The following SIK2 variants were observed in gnomAD, a reference collection of about 807,000 sequenced individuals.
SIK2 encodes the protein serine/threonine-protein kinase SIK2.
SIK2 carries 29 observed loss-of-function variants against 103.2 expected under a neutral mutation model. That is an observed-to-expected ratio of 0.28 (90% CI 0.21 to 0.38). The LOEUF is 0.38. Ranked by LOEUF, SIK2 falls within the 10% of genes least tolerant of loss-of-function variation. SIK2 has a pLI of 1.00. For synonymous variants in SIK2, 412 were observed against 446.1 expected (o/e 0.92, Z 0.96); for missense variants, 879 against 1,171.0 (o/e 0.75, Z 3.64).
At chr11:111,651,205 C>T (rs1431750653) in intron 3 of SIK2, among the ~76,000 whole-genome samples, 2 of 152,058 alleles carry the variant, frequency 1.3e-5, no homozygotes, top group African/African-American at 4.8e-5. Flanking sequence ...ATTAGGTAGA[C>T]TCTGAGTTTG....
chr11:111,712,175 A>AT (rs759085099), intron 8 of SIK2, 36 bp from the exon 9 acceptor site: 6 of 1,594,168 alleles, frequency 3.8e-6, no homozygotes, highest in Non-Finnish European at 5.1e-6. Flanking sequence ...GAAGGTATTC[A>AT]TGTTCCCAAA....
chr11:111,687,821 G>A (rs577931465), intron 3 of SIK2, among the ~76,000 whole-genome samples, 180 bp from the exon 4 acceptor site: 1 of 152,056 alleles, frequency 6.6e-6, no homozygotes, highest in South Asian at 2.1e-4. Flanking sequence ...TAGCCAGGAT[G>A]GTCTCGATCT....
At chr11:111,633,383 T>C (rs746727589) in intron 3 of SIK2, among the ~76,000 whole-genome samples, 2 of 152,206 alleles carry the variant, frequency 1.3e-5, no homozygotes, top group Non-Finnish European at 2.9e-5. Context: ...TTGAGGACTT[T>C]AGCACAATAC....
rs1186189299 is a variant in SIK2 at position 111,726,957 on chromosome 11, CTG to C, written c.*2829_*2830del. 5 of 1,612,016 alleles carry C rather than the reference CTG, an allele frequency of 3.1e-6. No individual in the cohort carries two copies. In the South Asian group the frequency reaches 5.5e-5, roughly 18 times the overall value. ...TATTTTTTATGTTCTTTTTTTAAAT[CTG>C]GGGTATTAGTCTGTGCTTTGGGAGA... On this transcript the variant is annotated 3_prime_UTR_variant, in exon 15 of 15. Transcript: ENST00000304987.
chr11:111,604,835 G>GT (rs1941627504), intron 1 of SIK2, among the ~76,000 whole-genome samples: 1 of 152,170 alleles, frequency 6.6e-6, no homozygotes, highest in Non-Finnish European at 1.5e-5. Flanking sequence ...ATGGGTGAGG[G>GT]TATCTGTGGT....
At chr11:111,672,075 G>C in intron 3 of SIK2, 1 of 497,294 alleles carries the variant, frequency 2.0e-6, no homozygotes, top group Non-Finnish European at 3.9e-6. Flanking sequence ...TGATGAAGGA[G>C]GCAAACTTCT....
chr11:111,626,397 A>G (rs1169286913), intron 3 of SIK2, among the ~76,000 whole-genome samples: 2 of 149,300 alleles, frequency 1.3e-5, no homozygotes, highest in Non-Finnish European at 3.0e-5. Flanking sequence ...TTACAAAACT[A>G]TTTCTCTCTT....
chr11:111,705,195 A>T lies in SIK2; in HGVS notation c.1101+56A>T, dbSNP rs1943315082. 2 of 1,457,176 alleles carry T rather than the reference A, an allele frequency of 1.4e-6. No individual in the cohort carries two copies. The highest frequency in any genetic ancestry group is 1.8e-6 in the Non-Finnish European group (2 of 1,108,680). 90.3% of individuals were successfully genotyped at this position (1,457,176 alleles called of 1,614,324 possible). On this transcript the variant is annotated intron_variant, in intron 8 of 14. Transcript: ENST00000304987. This position sits in a 1 kb window ranked among gnomAD's most constrained non-coding sequence, Gnocchi z 4.3. ...GTGCATGTGCCTGTTCACATGTTTG[A>T]TACATTTTTCATCTTATACACAGGG...
chr11:111,700,891 G>A lies in SIK2; in HGVS notation c.484G>A (p.Gly162Ser), dbSNP rs1328996537. 1.2e-6 allele frequency: 2 copies of A among 1,613,716 alleles called. No homozygotes were observed. Among genetic ancestry groups the A allele is most frequent in the Non-Finnish European group, 1.7e-6 (2 of 1,179,850 alleles). ...ATTTATTTCCATCCTAATAGATTTC[G>A]GTTTTGGAAATTTCTTTAAAAGTGG... ...NNMNIKIADF[G>S]FGNFFKSGEL... is the part of the protein sequence containing the mutation. Residue 162 changes from glycine (G) to serine (S), a missense_variant, in exon 5 of 15, where the codon GGT becomes AGT. This residue lies in a region of SIK2 where 126 missense variants were observed against 245.5 expected (regional missense o/e 0.51). Transcript: ENST00000304987.
rs1339590495 is a variant in SIK2 at position 111,721,922 on chromosome 11, C to T, written c.2037C>T (p.Tyr679=). 4 of 1,607,866 alleles carry T rather than the reference C, an allele frequency of 2.5e-6. No individual in the cohort carries two copies. The highest frequency in any genetic ancestry group is 3.4e-6 in the Non-Finnish European group (4 of 1,176,920). ...CACGGCAGAGCCTGGAGACCCAGTA[C>T]CTGCAGCACAGACTCCAGGTGGGTC... ...LSPRQSLETQ[Y]LQHRLQKPSL... Residue 679 remains tyrosine, a synonymous_variant, in exon 13 of 15, where the codon TAC becomes TAT. Transcript: ENST00000304987.
intron 3 of SIK2, among the ~76,000 whole-genome samples, chr11:111,685,217 ATTAG>A (rs937069860): frequency 1.3e-5 from 2 of 152,240 alleles, no homozygotes; most frequent in Non-Finnish European, 2.9e-5. Context: ...ATCATCAGGC[ATTAG>A]TTAGATTCTC....
chr11:111,674,140 A>G (rs1042691024), intron 3 of SIK2, among the ~76,000 whole-genome samples: 1 of 152,118 alleles, frequency 6.6e-6, no homozygotes, highest in East Asian at 1.9e-4. Context: ...AAACAGGCCT[A>G]CAAAGACTAA....
At chr11:111,614,723 T>G (rs925259252) in intron 1 of SIK2, among the ~76,000 whole-genome samples, 26 of 152,170 alleles carry the variant, frequency 1.7e-4, no homozygotes, top group Non-Finnish European at 2.4e-4. Context: ...TTGTTCAGGG[T>G]TAACTGTAAT....
chr11:111,672,030 T>G, intron 3 of SIK2: 1 of 518,200 alleles, frequency 1.9e-6, no homozygotes, highest in Non-Finnish European at 3.8e-6. Context: ...TGGTCTCAAG[T>G]GCCTTGTTCT....
rs968566103 is a variant in SIK2 at position 111,724,246 on chromosome 11, G to C, written c.*117G>C. On this transcript the variant is annotated 3_prime_UTR_variant, in exon 15 of 15. Transcript: ENST00000304987. Reference sequence around the variant, plus strand: ...GCCCTCTCCCTAACGGGGAGAAATCGAGCCACCCAACTGGAATCAGAGGGT... The same window carrying C: ...GCCCTCTCCCTAACGGGGAGAAATCCAGCCACCCAACTGGAATCAGAGGGT... The C allele has an allele frequency of 2.9e-6, 4 of 1,381,694 alleles. No individual in the cohort carries two copies. The highest frequency in any genetic ancestry group is 3.8e-6 in the Non-Finnish European group (4 of 1,041,698). 85.6% of individuals were successfully genotyped at this position (1,381,694 alleles called of 1,614,324 possible).
In SIK2 at chr11:111,716,097, C is replaced by A. The variant is rs562675503; in HGVS notation, c.1267-3678C>A. Among the ~76,000 whole-genome samples, 221 of 152,212 alleles carry A rather than the reference C, an allele frequency of 1.5e-3. 1 individual carries two copies. Among genetic ancestry groups the A allele is most frequent in the Non-Finnish European group, 2.5e-3 (171 of 68,000 alleles). ...GATTACAGGCATGAGCCACCATGCC[C>A]AGCCCATTTTTAGCATTTTTATTTG... On this transcript the variant is annotated intron_variant, in intron 9 of 14. Transcript: ENST00000304987.
chr11:111,720,914 GACA>G lies in SIK2; in HGVS notation c.1800_1802del (p.Gln600del), dbSNP rs1296927384. On this transcript the variant is annotated inframe_deletion, in exon 12 of 15. Transcript: ENST00000304987. ...TTTCTTTCAGGAATTGTAGCATTTAGACAACATCTTCAGAATCTGGCTAGAACC... is the reference window on the plus strand; with the variant it reads ...TTTCTTTCAGGAATTGTAGCATTTAGACATCTTCAGAATCTGGCTAGAACC... 6.2e-7 allele frequency: 1 copy of G among 1,613,784 alleles called. No individual in the cohort carries two copies. The highest frequency in any genetic ancestry group is 8.5e-7 in the Non-Finnish European group (1 of 1,179,922).
In SIK2 at chr11:111,694,981, A is replaced by C. The variant is rs139504802; in HGVS notation, c.479-5905A>C. Among the ~76,000 whole-genome samples the C allele has an allele frequency of 1.9e-3, 295 of 152,290 alleles. 4 individuals carry two copies. The South Asian group carries it at 0.025, about 13-fold the overall frequency. On this transcript the variant is annotated intron_variant, in intron 4 of 14. Coordinates refer to ENST00000304987, the MANE Select transcript of SIK2 (RefSeq NM_015191.3). Reference sequence around the variant, plus strand: ...TTCCCTCCTGTCAGATGGGAGAGTGACTGATGTTTGGAAATGAACTGTGCA... The same window carrying C: ...TTCCCTCCTGTCAGATGGGAGAGTGCCTGATGTTTGGAAATGAACTGTGCA...
Position 111,703,419 on chromosome 11 carries a change from T to C in SIK2, c.944T>C (p.Ile315Thr), listed in dbSNP as rs146265004. The change falls in exon 7 of 15, where the codon ATT becomes ACT. Residue 315 changes from isoleucine to threonine, a missense_variant. Around this residue, in one of 7 missense-constraint regions of SIK2, gnomAD observed 99 missense variants for 153.9 expected, o/e 0.64. Transcript: ENST00000304987. ...CTTGGAATAGATCAGCAGAAAACCA[T>C]TGAGGTAAAGTGATCAGAGATTTCG... The part of the protein sequence containing the change: ...HSLGIDQQKT[I>T]ESLQNKSYNH... 42 of 1,613,404 alleles carry C rather than the reference T, an allele frequency of 2.6e-5. No individual in the cohort carries two copies. The highest frequency in any genetic ancestry group is 3.3e-5 in the Admixed American group (2 of 59,988).
Sources: allele counts gnomAD v4.1 joint callset (sites outside exome capture counted in the v4.1 genomes callset), GRCh38; gene constraint gnomAD v4.1.1; regional missense constraint gnomAD v4.1.1; non-coding constraint Gnocchi (gnomAD v3.1); transcripts MANE v1.5; gene names NCBI Gene and HGNC (gene_info 2026-07-23, HGNC 2026-07-21).